Variants in GLYR1 observed in about 807,000 individuals in gnomAD.
The protein encoded by GLYR1 is glyoxylate reductase 1 homolog, also known as cytokine-like nuclear factor N-PAC.
Under a neutral mutation model 72.7 loss-of-function variants are expected in GLYR1, and 21 were observed. That is an observed-to-expected ratio of 0.29 (90% confidence interval 0.20 to 0.42). The LOEUF is 0.42. Ranked by LOEUF, GLYR1 falls within the 10% of genes least tolerant of loss-of-function variation. The pLI is 1.00. For synonymous variants in GLYR1, 392 were observed against 270.2 expected (o/e 1.45, Z -4.42); for missense variants, 594 against 712.1 (o/e 0.83, Z 1.89).
Position 4,847,236 on chromosome 16 carries a change from G to C in GLYR1, c.30C>G (p.Asp10Glu). 6.2e-7 allele frequency: 1 copy of C among 1,607,734 alleles called. No individual in the cohort carries two copies. The highest frequency in any genetic ancestry group is 8.5e-7 in the Non-Finnish European group (1 of 1,178,318). The change falls in exon 1 of 16, where the codon GAC (aspartate) becomes GAG (glutamate). Residue 10 changes from aspartate (D) to glutamate (E), a missense_variant. By Grantham distance (45) the Asp-to-Glu change is conservative. This residue lies in a region of GLYR1 where 62 missense variants were observed against 82.5 expected (regional missense o/e 0.75). Coordinates refer to ENST00000321919, the MANE Select transcript of GLYR1 (RefSeq NM_032569.4). ...CGGCCGCTCGGACTCACCACACCAA[G>C]TCGCCGAGCCGCAGACTCACAGCCG... is the stretch of plus-strand genomic sequence containing the variant. The part of the protein sequence containing the change: MAAVSLRLG[D>E]LVWGKLGRYP...
In GLYR1 at chr16:4,811,812, G is replaced by A. The variant is rs1388707317; in HGVS notation, c.1283-10C>T. ...GCATTGCCCACTTCACCTGCCCAGG[G>A]TAAAGACTCACGGTCACAGCCCAAG... On this transcript the variant is annotated splice_polypyrimidine_tract_variant and intron_variant, in intron 13 of 15. Coordinates refer to ENST00000321919, the MANE Select transcript of GLYR1 (RefSeq NM_032569.4). 1.9e-6 allele frequency: 3 copies of A among 1,608,960 alleles called. No homozygotes were observed. The highest frequency in any genetic ancestry group is 1.3e-5 in the African/African-American group (1 of 74,808).
At chr16:4,833,057 A>G (rs1268128763) in intron 3 of GLYR1, 145 bp from the exon 4 acceptor site, 2 of 637,338 alleles carry the variant, frequency 3.1e-6, no homozygotes, top group South Asian at 3.0e-5. Context: ...AAAACATGCT[A>G]TCAACCATCT....
chr16:4,826,221 A>C (rs1305488472), intron 5 of GLYR1, among the ~76,000 whole-genome samples: 1 of 151,870 alleles, frequency 6.6e-6, no homozygotes, highest in Non-Finnish European at 1.5e-5. Context: ...CTAATTTTTT[A>C]TTTTTATTTT....
intron 3 of GLYR1, chr16:4,843,751 C>CT (rs2085732342): frequency 9.9e-6 from 7 of 704,162 alleles, no homozygotes; most frequent in Non-Finnish European, 1.2e-5. Context: ...TTTTTCAAAT[C>CT]TAAGGCTGTA....
intron 5 of GLYR1, among the ~76,000 whole-genome samples, chr16:4,830,906 T>C (rs1278883403): frequency 1.3e-5 from 2 of 152,118 alleles, no homozygotes; most frequent in Non-Finnish European, 2.9e-5. Context: ...AACAAACCCA[T>C]TCCACTGCCC....
intron 15 of GLYR1, among the ~76,000 whole-genome samples, chr16:4,806,363 T>G (rs1157602504): frequency 1.3e-5 from 2 of 152,064 alleles, no homozygotes; most frequent in Non-Finnish European, 2.9e-5. Flanking sequence ...AACTGTCTTT[T>G]TTTTTTTTCT....
chr16:4,810,867 G>C (rs1280324552), intron 15 of GLYR1, among the ~76,000 whole-genome samples: 1 of 151,766 alleles, frequency 6.6e-6, no homozygotes, highest in Non-Finnish European at 1.5e-5. Context: ...CACTCTGGGA[G>C]GCAGAGGCGG....
chr16:4,840,798 G>A (rs1202655067), intron 3 of GLYR1, among the ~76,000 whole-genome samples: 1 of 152,172 alleles, frequency 6.6e-6, no homozygotes, highest in African/African-American at 2.4e-5. Flanking sequence ...TGCACATTAG[G>A]CTGGTAACCA....
rs763859550 is a variant in GLYR1 at position 4,821,370 on chromosome 16, A to G, written c.806+10T>C. ...AGAGCCACTGGAGGCCTTTTCATCA[A>G]AGGTCCTACTTTTTGTCTGTGGGTG... On this transcript the variant is annotated intron_variant, in intron 9 of 15. Coordinates refer to ENST00000321919, the MANE Select transcript of GLYR1 (RefSeq NM_032569.4). 5 of 1,612,482 alleles carry G rather than the reference A, an allele frequency of 3.1e-6. No individual in the cohort carries two copies. In the South Asian group the frequency reaches 4.4e-5, roughly 14 times the overall value.
At chr16:4,807,595 T>C (rs1459541129) in intron 15 of GLYR1, among the ~76,000 whole-genome samples, 1 of 152,178 alleles carries the variant, frequency 6.6e-6, no homozygotes, top group South Asian at 2.1e-4. Context: ...GTATAGAGTC[T>C]AAGCTCATAC....
intron 3 of GLYR1, among the ~76,000 whole-genome samples, chr16:4,842,270 A>C (rs1369421503): frequency 1.3e-5 from 2 of 151,906 alleles, no homozygotes; most frequent in African/African-American, 4.8e-5. Context: ...CAACAAAAAA[A>C]AACAAACAGA....
rs759397509 is a variant in GLYR1, at chr16:4,811,729, G to C, written c.1356C>G (p.Ala452=). Residue 452 remains alanine (A), a synonymous_variant, in exon 14 of 16, where the codon GCC becomes GCG. Transcript: ENST00000321919. The part of the protein sequence containing the change: ...MVQGSFMATI[A]EGLTLAQVTG... ...TCACCTGGGCCAGGGTCAGCCCCTC[G>C]GCAATAGTGGCCATGAAGCTCCCTT... is the stretch of plus-strand genomic sequence containing the variant. 1.9e-6 allele frequency: 3 copies of C among 1,614,010 alleles called. No homozygotes were observed. The South Asian group carries it at 3.3e-5, about 18-fold the overall frequency.
At chr16:4,843,679 G>C in intron 3 of GLYR1, 2 of 1,249,438 alleles carry the variant, frequency 1.6e-6, no homozygotes, top group Non-Finnish European at 2.1e-6. Flanking sequence ...ATAATATATC[G>C]CTTTCTAAGT....
In GLYR1 at chr16:4,823,915, G is replaced by C. The variant is rs907147000; in HGVS notation, c.538-8C>G. On this transcript the variant is annotated splice_region_variant and splice_polypyrimidine_tract_variant and intron_variant, in intron 5 of 15. Coordinates refer to ENST00000321919, the MANE Select transcript of GLYR1 (RefSeq NM_032569.4). ...CTCCGGGATGGTGAGATCCTATAGA[G>C]GGAGGGGCAGGGCATTTTAAAATCA... is the stretch of plus-strand genomic sequence containing the variant. 4 of 1,607,754 alleles carry C rather than the reference G, an allele frequency of 2.5e-6. No individual in the cohort carries two copies. The African/African-American group carries it at 5.4e-5, about 22-fold the overall frequency.
chr16:4,812,391 A>G, intron 12 of GLYR1, 143 bp from the exon 13 acceptor site: 2 of 801,734 alleles, frequency 2.5e-6, no homozygotes, highest in South Asian at 1.8e-5. Context: ...AAGGTCCTTT[A>G]GCTGACACCT....
chr16:4,834,286 G>C (rs560065420), intron 3 of GLYR1, among the ~76,000 whole-genome samples: 186 of 150,704 alleles, frequency 1.2e-3, no homozygotes, highest in African/African-American at 4.2e-3. Flanking sequence ...AGAGGAGTTA[G>C]GCAAATTCCT....
intron 11 of GLYR1, 61 bp downstream of exon 11, chr16:4,814,476 A>T (rs1343754589): frequency 1.6e-6 from 2 of 1,275,430 alleles, no homozygotes; most frequent in Non-Finnish European, 2.3e-6. Flanking sequence ...GGAGGGGAAG[A>T]GGCCAGCCAG....
At chr16:4,836,646 T>C (rs1351541819) in intron 3 of GLYR1, among the ~76,000 whole-genome samples, 2 of 152,204 alleles carry the variant, frequency 1.3e-5, no homozygotes, top group African/African-American at 4.8e-5. Flanking sequence ...TGTTATGTGC[T>C]ACCACTCGTG....
At chr16:4,826,007 C>T (rs1039521290) in intron 5 of GLYR1, among the ~76,000 whole-genome samples, 33 of 152,212 alleles carry the variant, frequency 2.2e-4, no homozygotes, top group African/African-American at 7.9e-4. Context: ...GCTTAAGTAA[C>T]CTTGCTTAAG....
Sources: gnomAD v4.1 joint callset for allele counts (sites outside exome capture counted in the v4.1 genomes callset) on GRCh38, gnomAD v4.1.1 for gene constraint, gnomAD v4.1.1 regional missense constraint, MANE v1.5 for transcripts, NCBI Gene and HGNC (gene_info 2026-07-23, HGNC 2026-07-21) for gene names.